The following FTO variants were observed in gnomAD, a reference collection of about 807,000 sequenced individuals.
FTO encodes FTO alpha-ketoglutarate dependent dioxygenase, also known as alpha-ketoglutarate-dependent dioxygenase FTO.
In FTO, 47 loss-of-function variants were observed where a neutral mutation model predicts 63.9. That is an observed-to-expected ratio of 0.74 (90% confidence interval 0.58 to 0.94). FTO has a LOEUF of 0.94. FTO is among the 40% of genes least tolerant of loss of function. FTO has a pLI of 0.00. For synonymous variants in FTO, 207 were observed against 224.4 expected (o/e 0.92, Z 0.69); for missense variants, 562 against 618.1 (o/e 0.91, Z 0.96).
At chr16:53,705,412 G>C (rs929565207) in intron 1 of FTO, among the ~76,000 whole-genome samples, 5 of 152,120 alleles carry the variant, frequency 3.3e-5, no homozygotes, top group Admixed American at 6.5e-5. Context: ...CTTCTTAAAA[G>C]TCACTCTTCA....
intron 4 of FTO, among the ~76,000 whole-genome samples, chr16:53,846,056 T>C (rs2079609892): frequency 1.3e-5 from 2 of 152,110 alleles, no homozygotes; most frequent in South Asian, 2.1e-4. Context: ...ATGGCAGAGA[T>C]TGTTCTTTTT....
chr16:53,738,651 C>T lies in FTO; in HGVS notation c.45+34422C>T, dbSNP rs2076449257. Among the ~76,000 whole-genome samples, 4 of 152,050 alleles carry T rather than the reference C, an allele frequency of 2.6e-5. No homozygotes were observed. In the South Asian group the frequency reaches 8.3e-4, roughly 32 times the overall value. ...GGTCATATGGTAAGTCTATGTTTGG[C>T]AGTTTTTGAGGAACTGCCAAACTGT... On this transcript the variant is annotated intron_variant, in intron 1 of 8. Transcript: ENST00000471389.
intron 8 of FTO, chr16:53,998,903 C>T (rs570055942): frequency 2.0e-5 from 3 of 152,344 alleles, no homozygotes; most frequent in African/African-American, 7.2e-5. Context: ...TAACTTCTTT[C>T]TCCTGAGTTG....
intron 8 of FTO, among the ~76,000 whole-genome samples, chr16:53,968,728 C>T (rs1306409402): frequency 6.6e-6 from 1 of 152,304 alleles, no homozygotes; most frequent in African/African-American, 2.4e-5. Context: ...AAAGGAGAGA[C>T]ATTTCACTTG....
chr16:53,961,429 T>C (rs746629332), intron 8 of FTO, among the ~76,000 whole-genome samples: 12 of 152,364 alleles, frequency 7.9e-5, no homozygotes, highest in Non-Finnish European at 1.6e-4. Context: ...ACTAATGCTG[T>C]TGCACCTGAA....
At chr16:54,035,536 T>A (rs2084925431) in intron 8 of FTO, among the ~76,000 whole-genome samples, 1 of 152,124 alleles carries the variant, frequency 6.6e-6, no homozygotes, top group Non-Finnish European at 1.5e-5. Flanking sequence ...TAACTCTAAA[T>A]CCCCATGCTT....
chr16:53,864,182 G>C (rs1407610140), intron 4 of FTO, among the ~76,000 whole-genome samples: 1 of 152,194 alleles, frequency 6.6e-6, no homozygotes, highest in Non-Finnish European at 1.5e-5. Flanking sequence ...AGGTAAGTAA[G>C]AATGAAAAGC....
intron 8 of FTO, among the ~76,000 whole-genome samples, chr16:54,081,272 C>A (rs766865144): frequency 1.2e-4 from 18 of 152,162 alleles, no homozygotes; most frequent in Non-Finnish European, 2.4e-4. Flanking sequence ...AGCCCTACCC[C>A]CTTTCCAAAG....
At chr16:53,738,225 T>A (rs779220718) in intron 1 of FTO, among the ~76,000 whole-genome samples, 12 of 152,112 alleles carry the variant, frequency 7.9e-5, no homozygotes, top group Admixed American at 2.0e-4. Flanking sequence ...TTTCTCCATG[T>A]TGGTCAGGCT....
chr16:53,757,634 G>T (rs1371748752), intron 1 of FTO, among the ~76,000 whole-genome samples: 1 of 151,806 alleles, frequency 6.6e-6, no homozygotes, highest in Admixed American at 6.6e-5. Context: ...GAGCCACTGG[G>T]GCTTTTATAA....
chr16:54,050,350 C>A (rs909454653), intron 8 of FTO, among the ~76,000 whole-genome samples: 10 of 152,162 alleles, frequency 6.6e-5, no homozygotes, highest in Admixed American at 6.5e-4. Context: ...TGATGAGATT[C>A]TTCTAACTAT....
intron 8 of FTO, among the ~76,000 whole-genome samples, chr16:53,967,391 C>T (rs938054058): frequency 3.9e-5 from 6 of 152,020 alleles, no homozygotes; most frequent in Non-Finnish European, 8.8e-5. Flanking sequence ...GTCTTCTCCA[C>T]GGGAAGGGCA....
intron 1 of FTO, among the ~76,000 whole-genome samples, chr16:53,798,253 A>G (rs1447373679): frequency 3.3e-5 from 5 of 152,026 alleles, no homozygotes; most frequent in African/African-American, 1.2e-4. Context: ...CTTCAACTTT[A>G]TTTTACTTTT....
intron 8 of FTO, among the ~76,000 whole-genome samples, chr16:54,095,529 TGGCA>T (rs150704889): frequency 0.03 from 4,530 of 152,192 alleles, 150 homozygotes; most frequent in South Asian, 0.085. Context: ...TTACATTGTG[TGGCA>T]GGCAGAGAAT....
At chr16:53,966,451 A>G (rs2143683950) in intron 8 of FTO, among the ~76,000 whole-genome samples, 1 of 152,312 alleles carries the variant, frequency 6.6e-6, no homozygotes, top group Non-Finnish European at 1.5e-5. Context: ...ACCAAAATCA[A>G]CAAGGAAAAT....
intron 3 of FTO, among the ~76,000 whole-genome samples, chr16:53,843,003 C>T (rs973289020): frequency 7.9e-5 from 12 of 152,044 alleles, no homozygotes; most frequent in Non-Finnish European, 8.8e-5. Flanking sequence ...TGAGTATAGC[C>T]TATTTATTTT....
chr16:53,847,756 G>A (rs182706889), intron 4 of FTO, among the ~76,000 whole-genome samples: 83 of 147,476 alleles, frequency 5.6e-4, no homozygotes, highest in African/African-American at 1.9e-3. Context: ...CAAGAAGAGG[G>A]AAATTCCATC....
At chr16:53,916,360 C>A (rs2081864617) in intron 7 of FTO, among the ~76,000 whole-genome samples, 1 of 151,920 alleles carries the variant, frequency 6.6e-6, no homozygotes, top group Non-Finnish European at 1.5e-5. Context: ...ATTGAGCCAT[C>A]CACAATCGTT....
chr16:53,781,700 C>T (rs1016743149), intron 1 of FTO, among the ~76,000 whole-genome samples: 8 of 152,194 alleles, frequency 5.3e-5, no homozygotes, highest in African/African-American at 1.9e-4. Context: ...CCTTCAGCCT[C>T]TAAAAAGTAA....
Sources: gnomAD v4.1 joint callset for allele counts (sites outside exome capture counted in the v4.1 genomes callset) on GRCh38, gnomAD v4.1.1 for gene constraint, MANE v1.5 for transcripts, NCBI Gene and HGNC (gene_info 2026-07-23, HGNC 2026-07-21) for gene names.